Variants in WASHC4 observed in about 807,000 individuals in gnomAD.
WASHC4 encodes WASH complex subunit 4.
Under a neutral mutation model 166.6 loss-of-function variants are expected in WASHC4, and 86 were observed. The observed-to-expected ratio is 0.52, with a 90% CI of 0.43 to 0.62. The LOEUF (loss-of-function observed/expected upper bound fraction) is 0.62, where lower values mean the gene tolerates loss of function less well. Among genes scored for constraint, WASHC4 ranks in the 20% least tolerant of loss-of-function variants. The probability of loss-of-function intolerance (pLI) is 0.00; values close to 1 mark genes in which losing one functional copy is unlikely to be tolerated. For missense variants in WASHC4, 1,262 were observed against 1,382.4 expected (o/e 0.91, Z 1.38); for synonymous variants, 446 against 451.6 (o/e 0.99, Z 0.16).
Position 105,144,729 on chromosome 12 carries a change from C to T in WASHC4, c.2191C>T (p.His731Tyr), listed in dbSNP as rs766299452. The T allele has an allele frequency of 3.1e-6, 5 of 1,609,344 alleles. No homozygotes were observed. Among genetic ancestry groups the T allele is most frequent in the South Asian group, 2.2e-5 (2 of 90,746 alleles). Residue 731 changes from histidine to tyrosine, a missense_variant, in exon 22 of 33, where the codon CAC becomes TAC. His to Tyr is a moderately conservative substitution (Grantham distance 83). Transcript: ENST00000332180. ...RFIDIRAYVT[H>Y]YLDKTFYNLT... is the part of the protein sequence containing the mutation. ...TTTTTTTTTGGTAGCTTACGTAACT[C>T]ACTACCTAGACAAGACTTTCTACAA...
At chr12:105,122,437 G>A (rs540389017) in intron 10 of WASHC4, among the ~76,000 whole-genome samples, 199 bp downstream of exon 10, 1 of 150,752 alleles carries the variant, frequency 6.6e-6, no homozygotes, top group African/African-American at 2.4e-5. Flanking sequence ...AGTTGTATTT[G>A]GAGCAAGAGT....
At chr12:105,121,319 T>C (rs1397347395) in intron 9 of WASHC4, 115 bp downstream of exon 9, 8 of 695,822 alleles carry the variant, frequency 1.1e-5, no homozygotes, top group Non-Finnish European at 1.8e-5. Flanking sequence ...GGGATTGATA[T>C]TTAGAAGGAG....
chr12:105,123,173 G>A (rs183499360), intron 10 of WASHC4, among the ~76,000 whole-genome samples: 1 of 152,286 alleles, frequency 6.6e-6, no homozygotes, highest in African/African-American at 2.4e-5. Flanking sequence ...AATTAGTAAG[G>A]TGTTAGGGCA....
chr12:105,145,361 G>A (rs2440718), intron 22 of WASHC4, among the ~76,000 whole-genome samples: 134,922 of 151,992 alleles, frequency 0.89, 60,254 homozygotes, highest in East Asian at 1. Flanking sequence ...GTATGGCATT[G>A]TCTCATGAAT....
At position 105,162,930 on chromosome 12, in the gene WASHC4, A is replaced by G. The variant is rs1311481714; in HGVS notation, c.3157+85A>G. 14 of 699,458 alleles carry G rather than the reference A, an allele frequency of 2.0e-5. No homozygotes were observed. The East Asian group carries it at 2.5e-4, about 13-fold the overall frequency. The allele number at this position is 699,458 out of a possible 1,614,324, so 43.3% of individuals were successfully genotyped here. ...GAAACATCTGCTTGAGAATAGGTCT[A>G]TATGTTCTTTATAGATTTTTCTTTC... On this transcript the variant is annotated intron_variant, in intron 30 of 32. Coordinates refer to ENST00000332180, the MANE Select transcript of WASHC4 (RefSeq NM_015275.3).
chr12:105,132,613 C>T (rs912743763), intron 13 of WASHC4, among the ~76,000 whole-genome samples: 5 of 152,202 alleles, frequency 3.3e-5, no homozygotes, highest in Admixed American at 3.3e-4. Context: ...GAGAGAATTA[C>T]ATTTTGTATT....
chr12:105,133,810 A>T lies in WASHC4; in HGVS notation c.1240A>T (p.Met414Leu). The change falls in exon 14 of 33, where the codon ATG (methionine) becomes TTG (leucine). Residue 414 changes from methionine (M) to leucine (L), a missense_variant. Transcript: ENST00000332180. ...SYYVFVSSWM[M>L]KMESILSKEQ... Reference sequence around the variant, plus strand: ...CTACGTCTTTGTGAGCTCATGGATGATGAAAATGGAATCTATTTTGTCTAA... The same window carrying T: ...CTACGTCTTTGTGAGCTCATGGATGTTGAAAATGGAATCTATTTTGTCTAA... 1 of 1,612,210 alleles carries T rather than the reference A, an allele frequency of 6.2e-7. No homozygotes were observed. The highest frequency in any genetic ancestry group is 1.7e-4 in the Middle Eastern group (1 of 6,050).
At chr12:105,153,294 G>A (rs1223022714) in intron 26 of WASHC4, among the ~76,000 whole-genome samples, 4 of 152,132 alleles carry the variant, frequency 2.6e-5, no homozygotes, top group African/African-American at 2.4e-5. Context: ...GTTAGGTGCT[G>A]GGAATACCAA....
At chr12:105,144,186 C>G (rs1274133872) in intron 20 of WASHC4, 101 bp from the exon 21 acceptor site, 1 of 972,344 alleles carries the variant, frequency 1.0e-6, no homozygotes, top group Non-Finnish European at 1.6e-6. Context: ...CTGCTTCTGA[C>G]CAAAAAACTA....
At chr12:105,157,071 T>A (rs1055125112) in intron 27 of WASHC4, among the ~76,000 whole-genome samples, 165 bp from the exon 28 acceptor site, 2 of 152,214 alleles carry the variant, frequency 1.3e-5, no homozygotes, top group African/African-American at 4.8e-5. Flanking sequence ...TATCTAAAAT[T>A]CAATTTGGAA....
intron 13 of WASHC4, among the ~76,000 whole-genome samples, chr12:105,133,508 A>C (rs983383213): frequency 1.3e-5 from 2 of 152,094 alleles, no homozygotes; most frequent in African/African-American, 2.4e-5. Flanking sequence ...TCTCCTTTCT[A>C]GAATGTAAGC....
At chr12:105,146,164 C>A (rs1312310309) in intron 22 of WASHC4, among the ~76,000 whole-genome samples, 1 of 151,886 alleles carries the variant, frequency 6.6e-6, no homozygotes, top group Non-Finnish European at 1.5e-5. Context: ...GTTGAAGAGA[C>A]AAATATTCTC....
At chr12:105,156,435 A>G (rs144772687) in intron 26 of WASHC4, 1 of 174,570 alleles carries the variant, frequency 5.7e-6, no homozygotes, top group Non-Finnish European at 1.2e-5. Flanking sequence ...TATAATTTTA[A>G]GCTTGACCAT....
At position 105,152,438 on chromosome 12, in the gene WASHC4, C is replaced by T; in HGVS notation, c.2745C>T (p.Leu915=). ...GQSYLDQFRQ[L]ISQIGNAMGY... is the part of the protein sequence containing the mutation. The stretch of plus-strand genomic sequence containing the variant: ...GCTACCTTGATCAATTCAGGCAACT[C>T]ATCAGCCAGATTGGTAAGTTATGAT... The change falls in exon 26 of 33, where the codon CTC becomes CTT. Residue 915 remains leucine, a synonymous_variant. Coordinates refer to ENST00000332180, the MANE Select transcript of WASHC4 (RefSeq NM_015275.3). The T allele has an allele frequency of 6.4e-7, 1 of 1,565,244 alleles. No homozygotes were observed. The highest frequency in any genetic ancestry group is 1.7e-5 in the Admixed American group (1 of 59,952).
chr12:105,146,848 T>C (rs1342841927), intron 23 of WASHC4, among the ~76,000 whole-genome samples, 194 bp from the exon 24 acceptor site: 1 of 152,084 alleles, frequency 6.6e-6, no homozygotes, highest in African/African-American at 2.4e-5. Flanking sequence ...AACATGACGC[T>C]CAAAGGAAAC....
At chr12:105,134,006 A>G (rs989918592) in intron 14 of WASHC4, 110 bp downstream of exon 14, 14 of 1,037,402 alleles carry the variant, frequency 1.3e-5, no homozygotes, top group Non-Finnish European at 2.0e-5. Context: ...TATTAAAGCA[A>G]GTTGATTTGG....
In WASHC4 at chr12:105,116,181, A is replaced by T. The variant is rs577306731; in HGVS notation, c.435+453A>T. ...TTAATGATTGTAGGTCCTTTGGTTT[A>T]CTCTTATCAAAAGAATAAAATGGCT... On this transcript the variant is annotated intron_variant, in intron 6 of 32. Transcript: ENST00000332180. Among the ~76,000 whole-genome samples the T allele has an allele frequency of 2.0e-5, 3 of 152,168 alleles. No homozygotes were observed. The East Asian group carries it at 5.8e-4, about 29-fold the overall frequency.
At chr12:105,160,611 C>CA (rs1417132953) in intron 29 of WASHC4, among the ~76,000 whole-genome samples, 1 of 152,166 alleles carries the variant, frequency 6.6e-6, no homozygotes, top group Non-Finnish European at 1.5e-5. Context: ...CTTGGCCTCC[C>CA]AAAGTGCTGA....
intron 6 of WASHC4, among the ~76,000 whole-genome samples, chr12:105,118,022 G>A (rs1236065507): frequency 1.3e-5 from 2 of 152,142 alleles, no homozygotes; most frequent in African/African-American, 4.8e-5. Flanking sequence ...TGCCATAGTT[G>A]TACTTTCTAT....
Sources: gnomAD v4.1 joint callset for allele counts (sites outside exome capture counted in the v4.1 genomes callset) on GRCh38, gnomAD v4.1.1 for gene constraint, MANE v1.5 for transcripts, NCBI Gene and HGNC (gene_info 2026-07-23, HGNC 2026-07-21) for gene names.